The following FANCI variants were observed in gnomAD, a reference collection of about 807,000 sequenced individuals.
FANCI encodes Fanconi anemia group I protein.
In FANCI, 156 loss-of-function variants were observed where a neutral mutation model predicts 176.1. The observed-to-expected ratio is 0.89, with a 90% confidence interval of 0.78 to 1.01. The LOEUF (loss-of-function observed/expected upper bound fraction) is 1.01, where lower values mean the gene tolerates loss of function less well. Among genes scored for constraint, FANCI ranks in the 50% least tolerant of loss-of-function variants. FANCI has a pLI of 0.00. For missense variants in FANCI, 1,678 were observed against 1,534.1 expected (o/e 1.09, Z -1.57); for synonymous variants, 613 against 541.7 (o/e 1.13, Z -1.83).
Position 89,268,368 on chromosome 15 carries a change from ATAGCTCATAACTTTCTGT to A in FANCI, c.756-29_756-12del, listed in dbSNP as rs1181885578. ...TTACAGGCATGAGCCACTGCACCTT[ATAGCTCATAACTTTCTGT>A]TGAATCTTTTAGGCTATTGGATGTT... On this transcript the variant is annotated splice_polypyrimidine_tract_variant and intron_variant, in intron 9 of 37. Transcript: ENST00000310775. The A allele has an allele frequency of 6.2e-7, 1 of 1,613,438 alleles. No individual in the cohort carries two copies. The highest frequency in any genetic ancestry group is 8.5e-7 in the Non-Finnish European group (1 of 1,179,772).
At chr15:89,267,573 G>C (rs986769541) in intron 9 of FANCI, among the ~76,000 whole-genome samples, 2 of 152,014 alleles carry the variant, frequency 1.3e-5, no homozygotes, top group African/African-American at 2.4e-5. Context: ...ACTGGGAAGA[G>C]ATTGTGAGAT....
Position 89,309,886 on chromosome 15 carries a change from T to C in FANCI, c.3651+2214T>C, listed in dbSNP as rs1464870724. Among the ~76,000 whole-genome samples, 3 of 152,256 alleles carry C rather than the reference T, an allele frequency of 2.0e-5. No individual in the cohort carries two copies. In the East Asian group the frequency reaches 5.8e-4, roughly 29 times the overall value. On this transcript the variant is annotated intron_variant, in intron 34 of 37. Coordinates refer to ENST00000310775, the MANE Select transcript of FANCI (RefSeq NM_001113378.2). The stretch of plus-strand genomic sequence containing the variant: ...GCTGTTAAATGCTATTTACTACCCT[T>C]GTTATGATTCAAAAGTCACATTGTC...
At chr15:89,256,517 C>T (rs896853407) in intron 2 of FANCI, among the ~76,000 whole-genome samples, 5 of 152,222 alleles carry the variant, frequency 3.3e-5, no homozygotes, top group African/African-American at 1.2e-4. Flanking sequence ...TGTGACACCT[C>T]TCTCTCGAGA....
At chr15:89,315,783 T>C (rs952432345) in intron 37 of FANCI, among the ~76,000 whole-genome samples, 6 of 152,242 alleles carry the variant, frequency 3.9e-5, no homozygotes, top group Non-Finnish European at 8.8e-5. Flanking sequence ...CTTCAATTCA[T>C]GCCAATGTCT....
chr15:89,276,738 G>A lies in FANCI; in HGVS notation c.1140G>A (p.Gln380=), dbSNP rs1056588286. ...NSVHSWDHVT[Q]GLVELGFILM... is the part of the protein sequence containing the mutation. ...TTCATAGCTGGGACCATGTTACTCAGGGCCTCGTAGAACTTGGTTTCATTT... is the reference window on the plus strand; with the variant it reads ...TTCATAGCTGGGACCATGTTACTCAAGGCCTCGTAGAACTTGGTTTCATTT... The change falls in exon 13 of 38, where the codon CAG becomes CAA. Residue 380 remains glutamine (Q), a synonymous_variant. Transcript: ENST00000310775. 6.8e-6 allele frequency: 11 copies of A among 1,614,028 alleles called. No homozygotes were observed. Among genetic ancestry groups the A allele is most frequent in the Non-Finnish European group, 9.3e-6 (11 of 1,180,042 alleles).
intron 18 of FANCI, among the ~76,000 whole-genome samples, chr15:89,288,597 T>G (rs1465149006): frequency 1.3e-5 from 2 of 151,692 alleles, no homozygotes; most frequent in African/African-American, 4.8e-5. Flanking sequence ...ATTGATTTTC[T>G]TCCTCTGAGA....
intron 2 of FANCI, 72 bp from the exon 3 acceptor site, chr15:89,258,632 T>C (rs2052594798): frequency 2.7e-6 from 3 of 1,125,622 alleles, no homozygotes; most frequent in Admixed American, 3.4e-5. Flanking sequence ...GAGTACTTTT[T>C]CATATTGAGT....
At chr15:89,274,086 T>G in intron 11 of FANCI, 82 bp from the exon 12 acceptor site, 2 of 1,117,170 alleles carry the variant, frequency 1.8e-6, no homozygotes, top group Non-Finnish European at 2.5e-6. Flanking sequence ...ATTTGCTTTA[T>G]TTTCTTATTT....
At position 89,292,763 on chromosome 15, in the gene FANCI, G is replaced by A. The variant is rs1276695910; in HGVS notation, c.2068G>A (p.Glu690Lys). 2 of 1,613,770 alleles carry A rather than the reference G, an allele frequency of 1.2e-6. No homozygotes were observed. Among genetic ancestry groups the A allele is most frequent in the Admixed American group, 1.7e-5 (1 of 60,018 alleles). ...AGTCATACCCTTACAGCAGGGAGAG[G>A]AGGAAGAGGAGGAGGAAGAGGCATT... ...NTVIPLQQGE[E>K]EEEEEEAFYE... Residue 690 changes from glutamate (E) to lysine (K), a missense_variant, in exon 21 of 38, where the codon GAG (glutamate) becomes AAG (lysine). By Grantham distance (56) the Glu-to-Lys change is moderately conservative (BLOSUM62 1). Around this residue, in one of 3 missense-constraint regions of FANCI, gnomAD observed 1,204 missense variants for 1,077.4 expected, o/e 1.12. Coordinates refer to ENST00000310775, the MANE Select transcript of FANCI (RefSeq NM_001113378.2).
At chr15:89,270,428 C>T (rs765868355) in intron 10 of FANCI, among the ~76,000 whole-genome samples, 42 of 152,152 alleles carry the variant, frequency 2.8e-4, no homozygotes, top group Non-Finnish European at 1.8e-4. Flanking sequence ...AACAACATTT[C>T]ACAGAAGGTT....
At chr15:89,264,385 T>C in intron 8 of FANCI, 137 bp from the exon 9 acceptor site, 1 of 761,206 alleles carries the variant, frequency 1.3e-6, no homozygotes, top group South Asian at 1.5e-5. Context: ...TTCTATACAT[T>C]CTTAGTTTGA....
At chr15:89,246,806 C>T (rs1297453694) in intron 1 of FANCI, among the ~76,000 whole-genome samples, 1 of 140,652 alleles carries the variant, frequency 7.1e-6, no homozygotes, top group Non-Finnish European at 1.5e-5. Context: ...CGCTCTGTCG[C>T]CCAGGCTGGA....
chr15:89,268,671 A>G, intron 10 of FANCI, 146 bp downstream of exon 10: 1 of 963,480 alleles, frequency 1.0e-6, no homozygotes, highest in Non-Finnish European at 1.6e-6. Context: ...TTTTACTTTA[A>G]AAGTGGAAAA....
intron 34 of FANCI, among the ~76,000 whole-genome samples, chr15:89,310,317 T>A (rs577234707): frequency 1.3e-5 from 2 of 152,350 alleles, no homozygotes; most frequent in East Asian, 3.9e-4. Flanking sequence ...ATTTATACTA[T>A]GGGCTATAGT....
intron 24 of FANCI, among the ~76,000 whole-genome samples, chr15:89,297,562 C>G (rs1298554126): frequency 2.6e-5 from 4 of 152,142 alleles, no homozygotes; most frequent in African/African-American, 4.8e-5. Flanking sequence ...AGCTGGAGAC[C>G]AACCCGGCCA....
intron 24 of FANCI, among the ~76,000 whole-genome samples, chr15:89,296,345 C>T (rs920520636): frequency 6.7e-6 from 1 of 149,860 alleles, no homozygotes; most frequent in African/African-American, 2.4e-5. Flanking sequence ...TGGGCTCAAG[C>T]GATACGCCCA....
chr15:89,297,620 G>T (rs113383781), intron 24 of FANCI, among the ~76,000 whole-genome samples: 47 of 152,250 alleles, frequency 3.1e-4, no homozygotes, highest in African/African-American at 1.1e-3. Context: ...AACCAGTCAG[G>T]TGTGGCGGCA....
At chr15:89,275,857 G>T (rs2053390787) in intron 12 of FANCI, among the ~76,000 whole-genome samples, 1 of 152,188 alleles carries the variant, frequency 6.6e-6, no homozygotes, top group African/African-American at 2.4e-5. Flanking sequence ...CCTCAGCTGG[G>T]AGAGATTTGG....
chr15:89,308,379 C>G (rs1012131721), intron 34 of FANCI, among the ~76,000 whole-genome samples: 1 of 152,146 alleles, frequency 6.6e-6, no homozygotes, highest in Admixed American at 6.5e-5. Context: ...GAGGAAGAAA[C>G]GAGAGATCTA....
Sources: allele counts gnomAD v4.1 joint callset (sites outside exome capture counted in the v4.1 genomes callset), GRCh38; gene constraint gnomAD v4.1.1; regional missense constraint gnomAD v4.1.1; transcripts MANE v1.5; gene names NCBI Gene and HGNC (gene_info 2026-07-23, HGNC 2026-07-21).